Variants in SEMA3D observed in about 807,000 individuals in gnomAD.
The protein encoded by SEMA3D is semaphorin 3D, also known as semaphorin-3D.
In SEMA3D, 84 loss-of-function variants were observed where a neutral mutation model predicts 100.1. That is an observed-to-expected ratio of 0.84 (90% CI 0.70 to 1.01). The LOEUF (loss-of-function observed/expected upper bound fraction) is 1.01. Among genes scored for constraint, SEMA3D ranks in the 50% least tolerant of loss-of-function variants. The pLI is 0.00. For missense variants in SEMA3D, 875 were observed against 934.1 expected, an observed-to-expected ratio of 0.94 and a Z score of 0.82; for synonymous variants, 312 against 320.7, an observed-to-expected ratio of 0.97 and a Z score of 0.29.
intron 1 of SEMA3D, among the ~76,000 whole-genome samples, chr7:85,175,830 C>T (rs992235555): frequency 7.3e-5 from 11 of 151,540 alleles, no homozygotes; most frequent in South Asian, 6.3e-4. Flanking sequence ...GAGACAAGAC[C>T]GGAGATAGTG....
intron 15 of SEMA3D, 151 bp downstream of exon 15, chr7:85,018,101 A>G: frequency 1.6e-6 from 1 of 639,100 alleles, no homozygotes; most frequent in Non-Finnish European, 2.8e-6. Flanking sequence ...GGCTGAAACA[A>G]TGGTCTCTAA....
chr7:85,035,165 A>G lies in SEMA3D; in HGVS notation c.1191+1724T>C, dbSNP rs555272689. ...ATGTATACAATATATCTAGGATTAT[A>G]TATCATATATCCTATATACATATAT... On this transcript the variant is annotated intron_variant, in intron 12 of 18. Transcript: ENST00000284136. Among the ~76,000 whole-genome samples, 130 of 151,674 alleles carry G rather than the reference A, an allele frequency of 8.6e-4. 1 individual carries two copies. Among genetic ancestry groups the G allele is most frequent in the Middle Eastern group, 3.5e-3 (1 of 288 alleles).
chr7:85,097,041 C>G (rs879754054), intron 4 of SEMA3D, among the ~76,000 whole-genome samples: 1 of 151,680 alleles, frequency 6.6e-6, no homozygotes, highest in African/African-American at 2.4e-5. Flanking sequence ...ATTATGTAAT[C>G]TTATCAGCCA....
chr7:84,999,391 G>T lies in SEMA3D; in HGVS notation c.*49C>A. 1 of 1,441,746 alleles carries T rather than the reference G, an allele frequency of 6.9e-7. No individual in the cohort carries two copies. The highest frequency in any genetic ancestry group is 9.7e-7 in the Non-Finnish European group (1 of 1,036,136). The allele number at this position is 1,441,746 out of a possible 1,614,324, so 89.3% of individuals were successfully genotyped here. A position where few individuals can be genotyped will look rare whatever the true frequency, so the allele number is the denominator to read the frequency against. On this transcript the variant is annotated 3_prime_UTR_variant, in exon 19 of 19. Coordinates refer to ENST00000284136, the MANE Select transcript of SEMA3D (RefSeq NM_001384900.1). Reference sequence around the variant, plus strand: ...CTATAAGGGATATACAAAACAGAAGGCAATGTTTTTATAGGTAAGGAATTC... The same window carrying T: ...CTATAAGGGATATACAAAACAGAAGTCAATGTTTTTATAGGTAAGGAATTC...
chr7:85,245,059 T>C, the SEMA3D span, among the ~76,000 whole-genome samples: 3 of 152,148 alleles, frequency 2.0e-5, no homozygotes, highest in Non-Finnish European at 2.9e-5. Context: ...AAGTCCTTTC[T>C]TTTTGAGGGA....
chr7:85,131,920 T>C (rs980498004), intron 2 of SEMA3D, among the ~76,000 whole-genome samples: 5 of 151,888 alleles, frequency 3.3e-5, no homozygotes, highest in Non-Finnish European at 7.4e-5. Context: ...TCAGCTTTCT[T>C]TAAAATTTAT....
intron 14 of SEMA3D, 82 bp downstream of exon 14, chr7:85,020,151 A>C: frequency 1.2e-6 from 1 of 843,082 alleles, no homozygotes; most frequent in Non-Finnish European, 2.0e-6. Context: ...TAACCTGATG[A>C]TGTATTAAAA....
chr7:85,172,318 AT>A (rs1325645612), intron 1 of SEMA3D, among the ~76,000 whole-genome samples: 1 of 152,000 alleles, frequency 6.6e-6, no homozygotes, highest in Admixed American at 6.6e-5. Context: ...AAAAGAGACA[AT>A]TATGGGAATA....
intron 6 of SEMA3D, among the ~76,000 whole-genome samples, chr7:85,071,207 G>T (rs1042549887): frequency 6.6e-6 from 1 of 152,152 alleles, no homozygotes; most frequent in African/African-American, 2.4e-5. Context: ...ATGAGCTAAT[G>T]TTATATATTA....
intron 1 of SEMA3D, among the ~76,000 whole-genome samples, chr7:85,167,068 A>T (rs968925170): frequency 2.2e-4 from 33 of 151,946 alleles, no homozygotes; most frequent in African/African-American, 8.0e-4. Flanking sequence ...AGAAATATCC[A>T]TTAGGATGGC....
intron 2 of SEMA3D, among the ~76,000 whole-genome samples, chr7:85,124,725 T>C (rs906222394): frequency 8.5e-5 from 13 of 152,104 alleles, no homozygotes; most frequent in Non-Finnish European, 1.6e-4. Context: ...GGTTGCATGA[T>C]AGACTTGGTT....
intron 1 of SEMA3D, among the ~76,000 whole-genome samples, chr7:85,163,854 T>G (rs1372099241): frequency 6.6e-6 from 1 of 152,128 alleles, no homozygotes; most frequent in Non-Finnish European, 1.5e-5. Context: ...GAAAGGTAAT[T>G]TTTGCCAATC....
intron 4 of SEMA3D, among the ~76,000 whole-genome samples, chr7:85,091,905 C>T (rs1052069696): frequency 6.6e-6 from 1 of 152,018 alleles, no homozygotes; most frequent in Non-Finnish European, 1.5e-5. Context: ...ATGTTAAGGG[C>T]TGGGGCAGGA....
intron 4 of SEMA3D, among the ~76,000 whole-genome samples, chr7:85,087,236 T>C (rs1788245836): frequency 6.6e-6 from 1 of 152,240 alleles, no homozygotes; most frequent in African/African-American, 2.4e-5. Flanking sequence ...GAAACAGAGA[T>C]GCCATTGCCT....
chr7:85,147,941 C>CCACT (rs1790262963), intron 2 of SEMA3D, among the ~76,000 whole-genome samples: 1 of 152,110 alleles, frequency 6.6e-6, no homozygotes, highest in African/African-American at 2.4e-5. Context: ...ACATGCCAGC[C>CCACT]CACTCCACAC....
chr7:85,020,087 C>T (rs1562785395), intron 14 of SEMA3D, 146 bp downstream of exon 14: 2 of 590,348 alleles, frequency 3.4e-6, no homozygotes, highest in Non-Finnish European at 6.0e-6. Context: ...AAAACTTTTT[C>T]CACTGCTTTG....
In SEMA3D at chr7:85,147,092, CTTTTTTTTTT is replaced by C. The variant is rs752922884; in HGVS notation, c.-41+6506_-41+6515del. 6.8e-3 allele frequency among the ~76,000 whole-genome samples: 328 copies of C among 48,156 alleles called. 2 individuals are homozygous for C. Among genetic ancestry groups the C allele is most frequent in the African/African-American group, 0.028 (293 of 10,292 alleles). The allele number at this position is 48,156 out of a possible 152,430, so 31.6% of individuals were successfully genotyped here. A position where few individuals can be genotyped will look rare whatever the true frequency, so the allele number is the denominator to read the frequency against. ...TCTTTCTTTCTTTTCTTTTTCTTTT[CTTTTTTTTTT>C]TTTTTTTTTTTTTTTTTGAGACGGA... On this transcript the variant is annotated intron_variant, in intron 2 of 18. Transcript: ENST00000284136.
intron 8 of SEMA3D, among the ~76,000 whole-genome samples, chr7:85,061,223 G>A (rs1363451461): frequency 6.6e-6 from 1 of 151,944 alleles, no homozygotes; most frequent in Admixed American, 6.6e-5. Flanking sequence ...TATCCTCCTC[G>A]TAAGGTATTT....
the SEMA3D span, among the ~76,000 whole-genome samples, chr7:85,220,355 C>T: frequency 7.2e-6 from 1 of 139,360 alleles, no homozygotes; most frequent in South Asian, 2.3e-4. Flanking sequence ...TTTATCTCTA[C>T]ACAAATTTCT....
Sources: gnomAD v4.1 joint callset for allele counts (sites outside exome capture counted in the v4.1 genomes callset) on GRCh38, gnomAD v4.1.1 for gene constraint, MANE v1.5 for transcripts, NCBI Gene and HGNC (gene_info 2026-07-23, HGNC 2026-07-21) for gene names.